SEPTIN11: variants seen among roughly 807,000 people sequenced by gnomAD.
SEPTIN11 encodes septin-11.
SEPTIN11 carries 25 observed loss-of-function variants against 51.4 expected under a neutral mutation model. That is an observed-to-expected ratio of 0.49 (90% confidence interval 0.35 to 0.68). SEPTIN11 has a LOEUF of 0.68. Among genes scored for constraint, SEPTIN11 ranks in the 30% least tolerant of loss-of-function variants. SEPTIN11 has a pLI of 0.00. For missense variants in SEPTIN11, 381 were observed against 520.8 expected (o/e 0.73, Z 2.61); for synonymous variants, 174 against 184.1 (o/e 0.95, Z 0.44).
chr4:76,958,903 A>G, intron 1 of SEPTIN11: 1 of 1,476,204 alleles, frequency 6.8e-7, no homozygotes, highest in Non-Finnish European at 9.4e-7. Flanking sequence ...TATTGGCCCC[A>G]GAAAATTCAC....
At chr4:76,964,297 CATTTT>C (rs759113490) in intron 1 of SEPTIN11, among the ~76,000 whole-genome samples, 3 of 100,822 alleles carry the variant, frequency 3.0e-5, no homozygotes, top group Non-Finnish European at 4.0e-5. Flanking sequence ...CTTGGCCAAT[CATTTT>C]TTTTTTTTTT....
rs1305379149 is a variant in SEPTIN11 at position 77,038,239 on chromosome 4, G to C, written c.*3727G>C. ...TTTTTTAAATAAATTGAAAAGCTGT[G>C]AACAGCATTAGAACTTTGTCTATTT... is the stretch of plus-strand genomic sequence containing the variant. On this transcript the variant is annotated 3_prime_UTR_variant, in exon 10 of 10. Transcript: ENST00000264893. 10 of 985,536 alleles carry C rather than the reference G, an allele frequency of 1.0e-5. No homozygotes were observed. The highest frequency in any genetic ancestry group is 1.2e-5 in the Non-Finnish European group (10 of 829,728). 61.0% of individuals were successfully genotyped at this position (985,536 alleles called of 1,614,324 possible).
chr4:76,994,268 A>G (rs1723541818), intron 1 of SEPTIN11, among the ~76,000 whole-genome samples: 1 of 152,222 alleles, frequency 6.6e-6, no homozygotes, highest in Non-Finnish European at 1.5e-5. Flanking sequence ...AAAATAACCC[A>G]GGACTCATTT....
At position 77,034,569 on chromosome 4, in the gene SEPTIN11, C is replaced by A; in HGVS notation, c.*57C>A. The A allele has an allele frequency of 1.3e-6, 2 of 1,500,666 alleles. No individual in the cohort carries two copies. The highest frequency in any genetic ancestry group is 8.8e-7 in the Non-Finnish European group (1 of 1,131,340). 93.0% of individuals were successfully genotyped at this position (1,500,666 alleles called of 1,614,324 possible). On this transcript the variant is annotated 3_prime_UTR_variant, in exon 10 of 10. Coordinates refer to ENST00000264893, the MANE Select transcript of SEPTIN11 (RefSeq NM_018243.4). Reference sequence around the variant, plus strand: ...ACCTGCTTTTGCAGTAATATCGTATCTCTGCCATGTGTGTTCTTTAGTTTT... The same window carrying A: ...ACCTGCTTTTGCAGTAATATCGTATATCTGCCATGTGTGTTCTTTAGTTTT...
rs1725986489 is a variant in SEPTIN11 at position 77,024,772 on chromosome 4, C to T, written c.954-3857C>T. On this transcript the variant is annotated intron_variant, in intron 7 of 9. Coordinates refer to ENST00000264893, the MANE Select transcript of SEPTIN11 (RefSeq NM_018243.4). The surrounding 1 kb of genome is among the most constrained non-coding windows in gnomAD (Gnocchi z 4.2). ...TTATCTGAGCAAGGCAGCCTGGTCTCAGTCCTGGCTCTGTTACTTCTTTGT... is the reference window on the plus strand; with the variant it reads ...TTATCTGAGCAAGGCAGCCTGGTCTTAGTCCTGGCTCTGTTACTTCTTTGT... 6.6e-6 allele frequency among the ~76,000 whole-genome samples: 1 copy of T among 152,196 alleles called. No homozygotes were observed. Among genetic ancestry groups the T allele is most frequent in the South Asian group, 2.1e-4 (1 of 4,836 alleles).
intron 1 of SEPTIN11, among the ~76,000 whole-genome samples, chr4:76,954,184 A>C (rs184916826): frequency 8.5e-5 from 13 of 152,314 alleles, no homozygotes; most frequent in Admixed American, 7.2e-4. Context: ...CTACCCAATG[A>C]TGATGTCACA....
intron 1 of SEPTIN11, among the ~76,000 whole-genome samples, chr4:76,976,104 A>G (rs1308724212): frequency 1.3e-5 from 2 of 152,128 alleles, no homozygotes; most frequent in African/African-American, 4.8e-5. Flanking sequence ...TTTTCTTTAC[A>G]TGGTAAGGAC....
chr4:77,015,115 C>T (rs1725128714), intron 5 of SEPTIN11, 98 bp downstream of exon 5: 8 of 1,172,578 alleles, frequency 6.8e-6, no homozygotes, highest in Non-Finnish European at 9.6e-6. Flanking sequence ...GACTAGGAAC[C>T]TGATGACTTC....
chr4:77,006,286 T>G (rs1359469816), intron 3 of SEPTIN11, among the ~76,000 whole-genome samples: 3 of 152,118 alleles, frequency 2.0e-5, no homozygotes, highest in Non-Finnish European at 4.4e-5. Flanking sequence ...AATGATAAAA[T>G]AGTACACTGA....
intron 1 of SEPTIN11, among the ~76,000 whole-genome samples, chr4:76,951,899 A>AT (rs1183580738): frequency 4.6e-5 from 7 of 152,140 alleles, no homozygotes; most frequent in South Asian, 4.2e-4. Context: ...AATAGAGGAG[A>AT]TTTTTTTTAA....
chr4:77,024,733 A>C lies in SEPTIN11; in HGVS notation c.954-3896A>C, dbSNP rs888739977. Among the ~76,000 whole-genome samples, 1 of 152,202 alleles carries C rather than the reference A, an allele frequency of 6.6e-6. No homozygotes were observed. Among genetic ancestry groups the C allele is most frequent in the Admixed American group, 6.5e-5 (1 of 15,276 alleles). The stretch of plus-strand genomic sequence containing the variant: ...CCTCTGTACACCAGCCATGCAGTGC[A>C]GGAGATGGAGTTCTTATCTGAGCAA... On this transcript the variant is annotated intron_variant, in intron 7 of 9. Coordinates refer to ENST00000264893, the MANE Select transcript of SEPTIN11 (RefSeq NM_018243.4). The surrounding 1 kb of genome is among the most constrained non-coding windows in gnomAD (Gnocchi z 4.2).
chr4:76,991,465 T>G (rs185299604), intron 1 of SEPTIN11, among the ~76,000 whole-genome samples: 1 of 152,364 alleles, frequency 6.6e-6, no homozygotes, highest in East Asian at 1.9e-4. Context: ...CACACATTCT[T>G]ACATAATTTG....
intron 2 of SEPTIN11, among the ~76,000 whole-genome samples, chr4:77,003,464 C>T (rs938030182): frequency 5.9e-5 from 9 of 152,216 alleles, no homozygotes; most frequent in African/African-American, 1.9e-4. Context: ...AGGCTAGTTT[C>T]TTGAATTCTC....
chr4:77,016,615 C>CACACATATATATATATATATAT (rs1553975015), intron 5 of SEPTIN11, among the ~76,000 whole-genome samples: 2 of 79,228 alleles, frequency 2.5e-5, no homozygotes, highest in African/African-American at 9.3e-5. Flanking sequence ...TATATATACA[C>CACACATATATATATATATATAT]ATATATATAT....
At position 77,019,023 on chromosome 4, in the gene SEPTIN11, G is replaced by A. The variant is rs543292238; in HGVS notation, c.688-142G>A. The stretch of plus-strand genomic sequence containing the variant: ...TGGTTATAAGGGGGGTGGGATACGT[G>A]ACATCCACCCACCAAACTGCAGCCT... On this transcript the variant is annotated intron_variant, in intron 5 of 9. Coordinates refer to ENST00000264893, the MANE Select transcript of SEPTIN11 (RefSeq NM_018243.4). The A allele has an allele frequency of 1.2e-4, 79 of 663,948 alleles. No individual in the cohort carries two copies. The African/African-American group carries it at 1.3e-3, about 11-fold the overall frequency. The allele number at this position is 663,948 out of a possible 1,614,324, so 41.1% of individuals were successfully genotyped here.
intron 5 of SEPTIN11, among the ~76,000 whole-genome samples, chr4:77,016,446 A>G (rs1341824527): frequency 6.7e-6 from 1 of 149,348 alleles, no homozygotes; most frequent in East Asian, 1.9e-4. Flanking sequence ...ATTTGGAAAA[A>G]AAAAATGCAA....
intron 2 of SEPTIN11, among the ~76,000 whole-genome samples, chr4:76,998,874 G>A (rs1723920073): frequency 6.6e-6 from 1 of 152,074 alleles, no homozygotes; most frequent in East Asian, 1.9e-4. Flanking sequence ...CCAGGACTTA[G>A]TTACATGCTC....
At position 76,984,959 on chromosome 4, in the gene SEPTIN11, AG is replaced by A. The variant is rs1245321043; in HGVS notation, c.28-11465del. ...CTGATGTGGGCCAGTGCGAAAGAGCAGCTGCAACATCTGTTTCTAATTGGGT... is the reference window on the plus strand; with the variant it reads ...CTGATGTGGGCCAGTGCGAAAGAGCACTGCAACATCTGTTTCTAATTGGGT... On this transcript the variant is annotated intron_variant, in intron 1 of 9. Transcript: ENST00000264893. This position sits in a 1 kb window ranked among gnomAD's most constrained non-coding sequence, Gnocchi z 4.1. 6.6e-6 allele frequency: 1 copy of A among 152,248 alleles called. No individual in the cohort carries two copies. Among genetic ancestry groups the A allele is most frequent in the African/African-American group, 2.4e-5 (1 of 41,454 alleles). 9.4% of individuals were successfully genotyped at this position (152,248 alleles called of 1,614,324 possible). A position where few individuals can be genotyped will look rare whatever the true frequency, so the allele number is the denominator to read the frequency against.
At chr4:77,006,350 A>T (rs1724477398) in intron 3 of SEPTIN11, among the ~76,000 whole-genome samples, 1 of 152,126 alleles carries the variant, frequency 6.6e-6, no homozygotes, top group African/African-American at 2.4e-5. Flanking sequence ...CTTTACCATG[A>T]GTTATCTTTT....
Sources: allele counts gnomAD v4.1 joint callset (sites outside exome capture counted in the v4.1 genomes callset), GRCh38; gene constraint gnomAD v4.1.1; non-coding constraint Gnocchi (gnomAD v3.1); transcripts MANE v1.5; gene names NCBI Gene and HGNC (gene_info 2026-07-23, HGNC 2026-07-21).